The following ROBO1 variants were observed in gnomAD, a reference collection of about 807,000 sequenced individuals.
ROBO1 encodes roundabout homolog 1.
Under a neutral mutation model 195.9 loss-of-function variants are expected in ROBO1, and 149 were observed. That is an observed-to-expected ratio of 0.76 (90% CI 0.67 to 0.87). ROBO1 has a LOEUF of 0.87. ROBO1 is among the 40% of genes least tolerant of loss of function. The pLI, the probability that ROBO1 is intolerant of heterozygous loss-of-function variation, is 0.00. For synonymous variants in ROBO1, 816 were observed against 733.2 expected, an observed-to-expected ratio of 1.11 and a Z score of -1.82; for missense variants, 1,933 against 2,068.3, an observed-to-expected ratio of 0.93 and a Z score of 1.27.
intron 2 of ROBO1, among the ~76,000 whole-genome samples, chr3:79,208,017 T>A (rs190893707): frequency 6.6e-6 from 1 of 152,192 alleles, no homozygotes; most frequent in African/African-American, 2.4e-5. Context: ...AAGTTTTATT[T>A]GTAAAAAATT....
Position 79,146,492 on chromosome 3 carries a change from AT to A in ROBO1, c.89-20954del, listed in dbSNP as rs565832244. ...CAGATATAGATCATAGAATATATAT[AT>A]ATCTCTAATGTGTATGTATATACAT... On this transcript the variant is annotated intron_variant, in intron 2 of 30. Transcript: ENST00000464233. Among the ~76,000 whole-genome samples the A allele has an allele frequency of 1.9e-3, 284 of 152,100 alleles. 2 individuals are homozygous for A. The highest frequency in any genetic ancestry group is 6.0e-3 in the African/African-American group (250 of 41,520).
rs190828489 is a variant in ROBO1, at chr3:78,632,312, G to C, written c.3482-1007C>G. ...CTTGGGAATTTTCAGTCAAATGGCA[G>C]TGTTTGTTAAGCCAGATGTTCTTGT... On this transcript the variant is annotated intron_variant, in intron 24 of 30. Coordinates refer to ENST00000464233, the MANE Select transcript of ROBO1 (RefSeq NM_002941.4). Among the ~76,000 whole-genome samples the C allele has an allele frequency of 1.3e-4, 20 of 152,268 alleles. No individual in the cohort carries two copies. In the East Asian group the frequency reaches 3.9e-3, roughly 30 times the overall value.
chr3:79,090,131 G>C (rs971187222), intron 3 of ROBO1, among the ~76,000 whole-genome samples: 4 of 151,644 alleles, frequency 2.6e-5, no homozygotes, highest in Non-Finnish European at 5.9e-5. Flanking sequence ...GTAGAGACGG[G>C]GTTTCAGCAT....
At chr3:79,735,356 A>C (rs1703333988) in intron 1 of ROBO1, among the ~76,000 whole-genome samples, 1 of 152,194 alleles carries the variant, frequency 6.6e-6, no homozygotes, top group African/African-American at 2.4e-5. Context: ...TCCATGTTAC[A>C]ATGCAAGCTG....
intron 8 of ROBO1, among the ~76,000 whole-genome samples, chr3:78,711,126 A>C (rs188406202): frequency 2.6e-5 from 4 of 152,268 alleles, no homozygotes; most frequent in Admixed American, 1.3e-4. Context: ...GCTCTTTCAA[A>C]CACAGGTCAT....
At chr3:79,146,453 TAAATATAGTGTGAC>T (rs1177349397) in intron 2 of ROBO1, among the ~76,000 whole-genome samples, 2 of 152,060 alleles carry the variant, frequency 1.3e-5, no homozygotes, top group African/African-American at 4.8e-5. Flanking sequence ...TTTGTAGGGC[TAAATATAGTGTGAC>T]AGATATAGAT....
chr3:78,702,861 T>C (rs1250934887), intron 8 of ROBO1, among the ~76,000 whole-genome samples: 1 of 152,194 alleles, frequency 6.6e-6, no homozygotes, highest in Non-Finnish European at 1.5e-5. Flanking sequence ...AGTGTGGTGC[T>C]ATGTCATTAT....
intron 3 of ROBO1, among the ~76,000 whole-genome samples, chr3:79,110,701 C>T (rs1192144027): frequency 1.3e-5 from 2 of 149,940 alleles, no homozygotes; most frequent in Admixed American, 6.7e-5. Context: ...TGGGTCACTG[C>T]AGCCTTGAAC....
At chr3:79,615,153 C>G (rs147964643) in intron 1 of ROBO1, among the ~76,000 whole-genome samples, 1 of 152,094 alleles carries the variant, frequency 6.6e-6, no homozygotes. Context: ...AAAACGGATA[C>G]TTAAGATGAT....
chr3:79,765,689 A>T (rs1388074312), intron 1 of ROBO1, among the ~76,000 whole-genome samples: 1 of 152,210 alleles, frequency 6.6e-6, no homozygotes, highest in Non-Finnish European at 1.5e-5. Context: ...AAACAACCAC[A>T]GTAAAGGAGG....
chr3:79,431,481 C>A (rs1346572992), intron 2 of ROBO1, among the ~76,000 whole-genome samples: 1 of 152,048 alleles, frequency 6.6e-6, no homozygotes, highest in African/African-American at 2.4e-5. Flanking sequence ...CTAGTATCTT[C>A]TGTTTTCTCC....
chr3:79,456,691 T>G (rs1351032946), intron 2 of ROBO1, among the ~76,000 whole-genome samples: 1 of 152,308 alleles, frequency 6.6e-6, no homozygotes, highest in East Asian at 1.9e-4. Context: ...GTGTCAGACC[T>G]AGAATATTAG....
chr3:78,832,687 GC>G (rs2108747048), intron 4 of ROBO1, among the ~76,000 whole-genome samples: 1 of 152,274 alleles, frequency 6.6e-6, no homozygotes, highest in Non-Finnish European at 1.5e-5. Context: ...TCTTGAAGCA[GC>G]GAAGAGTGAT....
chr3:79,064,195 T>G (rs566276121), intron 3 of ROBO1, among the ~76,000 whole-genome samples: 2 of 152,110 alleles, frequency 1.3e-5, no homozygotes, highest in Admixed American at 6.6e-5. Context: ...CATCACACTG[T>G]ACCCTATAAA....
At position 78,634,995 on chromosome 3, in the gene ROBO1, T is replaced by G. The variant is rs13079839; in HGVS notation, c.3373+778A>C. ...TTTACCTGGAATAGGTGGGGATGCA[T>G]TGCCCCCATCTATTCACATTAGAGC... On this transcript the variant is annotated intron_variant, in intron 23 of 30. Transcript: ENST00000464233. Among the ~76,000 whole-genome samples, 731 of 152,236 alleles carry G rather than the reference T, an allele frequency of 4.8e-3. 3 individuals are homozygous for G. Among genetic ancestry groups the G allele is most frequent in the Middle Eastern group, 0.014 (4 of 294 alleles).
intron 2 of ROBO1, among the ~76,000 whole-genome samples, chr3:79,313,186 CA>C (rs61113124): frequency 0.11 from 9,702 of 89,934 alleles, 362 homozygotes; most frequent in African/African-American, 0.18. Context: ...GACTCCATCT[CA>C]AAAAAAAAAA....
At chr3:79,452,801 C>T (rs2039488995) in intron 2 of ROBO1, among the ~76,000 whole-genome samples, 2 of 151,782 alleles carry the variant, frequency 1.3e-5, no homozygotes, top group Non-Finnish European at 1.5e-5. Context: ...ATATTTTCTC[C>T]AGACATATAT....
At chr3:78,982,945 ACT>A (rs2077030888) in intron 3 of ROBO1, among the ~76,000 whole-genome samples, 2 of 150,902 alleles carry the variant, frequency 1.3e-5, no homozygotes, top group Non-Finnish European at 3.0e-5. Context: ...ACAAAGTATC[ACT>A]CTGTGGCTGG....
chr3:78,639,215 G>T (rs1705762050), intron 22 of ROBO1, among the ~76,000 whole-genome samples: 1 of 151,728 alleles, frequency 6.6e-6, no homozygotes, highest in Non-Finnish European at 1.5e-5. Flanking sequence ...CCAGCACTTT[G>T]GGAAGCCGAG....
Sources: gnomAD v4.1 joint callset for allele counts (sites outside exome capture counted in the v4.1 genomes callset) on GRCh38, gnomAD v4.1.1 for gene constraint, MANE v1.5 for transcripts, NCBI Gene and HGNC (gene_info 2026-07-23, HGNC 2026-07-21) for gene names.